The following ZNF536 variants were observed in gnomAD, a reference collection of about 807,000 sequenced individuals.
ZNF536 encodes the protein zinc finger protein 536.
ZNF536 carries 13 observed loss-of-function variants against 84.5 expected under a neutral mutation model. The observed-to-expected ratio is 0.15, with a 90% CI of 0.10 to 0.24. The LOEUF (loss-of-function observed/expected upper bound fraction) is 0.24, where lower values mean the gene tolerates loss of function less well. Ranked by LOEUF, ZNF536 falls within the 10% of genes least tolerant of loss-of-function variation. ZNF536 has a pLI of 1.00. For missense variants in ZNF536, 1,536 were observed against 1,747.5 expected, an observed-to-expected ratio of 0.88 and a Z score of 2.16; for synonymous variants, 811 against 742.5, an observed-to-expected ratio of 1.09 and a Z score of -1.50.
At chr19:30,483,096 G>A in intron 2 of ZNF536, among the ~76,000 whole-genome samples, 1 of 152,142 alleles carries the variant, frequency 6.6e-6, no homozygotes, top group East Asian at 1.9e-4. Flanking sequence ...CTCACTGTGA[G>A]GTTTATTTAG....
At chr19:30,295,486 G>A (rs531695431) in intron 2 of ZNF536, among the ~76,000 whole-genome samples, 1 of 152,322 alleles carries the variant, frequency 6.6e-6, no homozygotes, top group South Asian at 2.1e-4. Flanking sequence ...GATTCAGAAG[G>A]TCTTGGGTAT....
intron 1 of ZNF536, among the ~76,000 whole-genome samples, chr19:30,260,130 G>A (rs146906962): frequency 6.5e-4 from 99 of 152,270 alleles, no homozygotes; most frequent in African/African-American, 2.3e-3. Context: ...AAGTTTACCA[G>A]TTGATCATTA....
At position 30,579,567 on chromosome 19, in the gene ZNF536, T is replaced by C. The variant is rs532465272; in HGVS notation, c.169+30053T>C. Among the ~76,000 whole-genome samples the C allele has an allele frequency of 2.6e-5, 4 of 152,290 alleles. No homozygotes were observed. In the East Asian group the frequency reaches 7.7e-4, roughly 29 times the overall value. On this transcript the variant is annotated intron_variant, in intron 1 of 1. Transcript: ENST00000592773. ...ACGCAGAGGCACTTCTGCCCAATTC[T>C]GCTTGCAAAGTTACCATCAATCATC...
chr19:30,503,479 T>A (rs1309783495), intron 2 of ZNF536, among the ~76,000 whole-genome samples: 1 of 152,246 alleles, frequency 6.6e-6, no homozygotes, highest in Non-Finnish European at 1.5e-5. Flanking sequence ...TGACATATTG[T>A]TGAATGAAAG....
chr19:30,594,546 C>T (rs1474153966), intron 1 of ZNF536, among the ~76,000 whole-genome samples: 1 of 152,180 alleles, frequency 6.6e-6, no homozygotes, highest in Non-Finnish European at 1.5e-5. Context: ...GCTTGACTCA[C>T]CACATGACAT....
chr19:30,480,802 G>A (rs1488717841), intron 2 of ZNF536, among the ~76,000 whole-genome samples: 3 of 152,126 alleles, frequency 2.0e-5, no homozygotes, highest in East Asian at 1.9e-4. Flanking sequence ...TTGGGAGGCC[G>A]AGGCAGGCAG....
chr19:30,356,936 T>A (rs1434814349), intron 3 of ZNF536, among the ~76,000 whole-genome samples: 1 of 152,218 alleles, frequency 6.6e-6, no homozygotes, highest in African/African-American at 2.4e-5. Flanking sequence ...TCTTCCTGCC[T>A]CAAACCTGGT....
At chr19:30,321,120 C>T (rs2046841210) in intron 2 of ZNF536, among the ~76,000 whole-genome samples, 4 of 152,156 alleles carry the variant, frequency 2.6e-5, no homozygotes, top group Admixed American at 2.6e-4. Flanking sequence ...AGCTGTGTGA[C>T]GCTGCAACCC....
chr19:30,282,040 C>T (rs1331279658), intron 1 of ZNF536, among the ~76,000 whole-genome samples: 1 of 152,236 alleles, frequency 6.6e-6, no homozygotes, highest in Admixed American at 6.5e-5. Context: ...AATGACTCTG[C>T]TGGTGCTTCC....
chr19:30,519,605 G>A (rs886880041), intron 2 of ZNF536, among the ~76,000 whole-genome samples: 10 of 152,340 alleles, frequency 6.6e-5, no homozygotes, highest in African/African-American at 2.4e-4. Context: ...TCCACTCACA[G>A]ACACAGGCCA....
chr19:30,426,399 G>A (rs890856954), intron 1 of ZNF536, among the ~76,000 whole-genome samples: 10 of 152,168 alleles, frequency 6.6e-5, no homozygotes, highest in Non-Finnish European at 1.3e-4. Flanking sequence ...GCATGGAAAC[G>A]CTCTCTCCTG....
chr19:30,263,190 A>G (rs941333497), intron 1 of ZNF536, among the ~76,000 whole-genome samples: 1 of 152,224 alleles, frequency 6.6e-6, no homozygotes, highest in Admixed American at 6.5e-5. Flanking sequence ...CAAACAGTAC[A>G]TGCTCAATAA....
intron 2 of ZNF536, among the ~76,000 whole-genome samples, chr19:30,350,113 G>A (rs2047886995): frequency 6.6e-6 from 1 of 151,860 alleles, no homozygotes; most frequent in Non-Finnish European, 1.5e-5. Context: ...TTCATGACTT[G>A]TTTAATTAAC....
intron 1 of ZNF536, among the ~76,000 whole-genome samples, chr19:30,677,465 G>C (rs2050793501): frequency 6.6e-6 from 1 of 152,164 alleles, no homozygotes; most frequent in South Asian, 2.1e-4. Context: ...CATCCACCTG[G>C]GGCTGTGGCC....
chr19:30,638,034 A>C (rs1175937035), intron 1 of ZNF536, among the ~76,000 whole-genome samples: 1 of 152,174 alleles, frequency 6.6e-6, no homozygotes, highest in Non-Finnish European at 1.5e-5. Flanking sequence ...GAAGTAGTCG[A>C]TGCAAGCCCT....
upstream of ZNF536, among the ~76,000 whole-genome samples, chr19:30,227,937 T>C (rs868521794): frequency 7.7e-4 from 117 of 151,908 alleles, no homozygotes; most frequent in African/African-American, 2.7e-3. Context: ...CACGCGCCGT[T>C]CCCCAACCCT....
intron 1 of ZNF536, among the ~76,000 whole-genome samples, chr19:30,674,539 G>A (rs867007067): frequency 2.6e-5 from 4 of 152,344 alleles, no homozygotes; most frequent in Middle Eastern, 3.4e-3. Flanking sequence ...AACCAATGGA[G>A]TGTATGCCCT....
chr19:30,367,214 G>A (rs1260263492), intron 3 of ZNF536, among the ~76,000 whole-genome samples: 5 of 152,174 alleles, frequency 3.3e-5, no homozygotes, highest in African/African-American at 4.8e-5. Flanking sequence ...GGGACGTTCC[G>A]TGCTGTTCCC....
chr19:30,506,477 C>T (rs2055178813), intron 2 of ZNF536, among the ~76,000 whole-genome samples: 1 of 152,190 alleles, frequency 6.6e-6, no homozygotes, highest in East Asian at 1.9e-4. Context: ...ATGCTGTTCC[C>T]CAGTTTCATA....
Sources: gnomAD v4.1 joint callset for allele counts (sites outside exome capture counted in the v4.1 genomes callset) on GRCh38, gnomAD v4.1.1 for gene constraint, MANE v1.5 for transcripts, NCBI Gene and HGNC (gene_info 2026-07-23, HGNC 2026-07-21) for gene names.